Variants in AGMO observed in about 807,000 individuals in gnomAD.
AGMO encodes the protein alkylglycerol monooxygenase.
A neutral mutation model predicts 60.2 loss-of-function variants in AGMO; 75 were observed. The observed-to-expected ratio is 1.25, with a 90% CI of 1.03 to 1.51. The LOEUF (loss-of-function observed/expected upper bound fraction) is 1.51, where lower values mean the gene tolerates loss of function less well. Among genes scored for constraint, AGMO ranks in the 40% most tolerant of loss-of-function variants. The pLI, the probability that AGMO is intolerant of heterozygous loss-of-function variation, is 0.00. For missense variants in AGMO, 763 were observed against 525.5 expected, an observed-to-expected ratio of 1.45 and a Z score of -4.42; for synonymous variants, 261 against 177.1, an observed-to-expected ratio of 1.47 and a Z score of -3.76.
chr7:15,205,196 A>G (rs1482643210), intron 12 of AGMO, among the ~76,000 whole-genome samples: 4 of 152,214 alleles, frequency 2.6e-5, no homozygotes, highest in African/African-American at 7.2e-5. Flanking sequence ...ATATTTATCA[A>G]TAAGCAACCA....
chr7:15,158,066 A>C, the AGMO span, among the ~76,000 whole-genome samples: 3 of 152,184 alleles, frequency 2.0e-5, no homozygotes, highest in Non-Finnish European at 4.4e-5. Flanking sequence ...ATTATATTTT[A>C]TGACTGTATT....
downstream of AGMO, among the ~76,000 whole-genome samples, chr7:15,198,253 G>GTGTGAA (rs1781184027): frequency 1.6e-5 from 1 of 63,422 alleles, no homozygotes; most frequent in Non-Finnish European, 2.8e-5. Context: ...GAGAGAGAGA[G>GTGTGAA]AGACAGAGAC....
chr7:15,345,497 T>C (rs955476257), intron 12 of AGMO, among the ~76,000 whole-genome samples: 2 of 152,192 alleles, frequency 1.3e-5, no homozygotes, highest in Admixed American at 6.5e-5. Flanking sequence ...CTAAGTTCTT[T>C]TGGAGTGTGC....
intron 12 of AGMO, among the ~76,000 whole-genome samples, chr7:15,261,602 A>G (rs1248521051): frequency 6.6e-6 from 1 of 152,066 alleles, no homozygotes; most frequent in African/African-American, 2.4e-5. Flanking sequence ...AATCCTAGTG[A>G]CACTATCTAA....
At chr7:15,418,132 T>G (rs1004167976) in intron 5 of AGMO, among the ~76,000 whole-genome samples, 11 of 152,186 alleles carry the variant, frequency 7.2e-5, no homozygotes, top group Middle Eastern at 3.4e-3. Context: ...CAAAAATTAT[T>G]TTCATAATTT....
chr7:15,163,777 T>G, the AGMO span, among the ~76,000 whole-genome samples: 12 of 112,370 alleles, frequency 1.1e-4, no homozygotes, highest in African/African-American at 3.8e-4. Flanking sequence ...AGCCTACAGT[T>G]TTCTTTTTTT....
intron 12 of AGMO, among the ~76,000 whole-genome samples, chr7:15,310,413 T>A (rs1249951976): frequency 6.6e-6 from 1 of 152,170 alleles, no homozygotes; most frequent in Non-Finnish European, 1.5e-5. Context: ...TGGTTTCCAT[T>A]TGGAAAATTT....
intron 3 of AGMO, among the ~76,000 whole-genome samples, chr7:15,521,679 G>C (rs1028530315): frequency 3.0e-4 from 45 of 152,198 alleles, no homozygotes; most frequent in African/African-American, 1.1e-3. Context: ...AATAAACTAG[G>C]TATTGATACA....
intron 12 of AGMO, among the ~76,000 whole-genome samples, chr7:15,214,081 C>G (rs1781668920): frequency 6.6e-6 from 1 of 151,842 alleles, no homozygotes; most frequent in African/African-American, 2.4e-5. Context: ...GTTTATTTCT[C>G]TCTTCAATGA....
chr7:15,344,338 C>G (rs1484643966), intron 12 of AGMO, among the ~76,000 whole-genome samples: 1 of 152,170 alleles, frequency 6.6e-6, no homozygotes, highest in Non-Finnish European at 1.5e-5. Flanking sequence ...TATTTTCCAA[C>G]AGGACTAATT....
chr7:15,518,178 A>T (rs117674463), intron 3 of AGMO, among the ~76,000 whole-genome samples: 2 of 152,272 alleles, frequency 1.3e-5, no homozygotes, highest in East Asian at 3.9e-4. Context: ...GGCACTTACT[A>T]CATAGATAAA....
the AGMO span, among the ~76,000 whole-genome samples, chr7:15,154,023 A>C: frequency 1.3e-5 from 2 of 152,112 alleles, no homozygotes; most frequent in Non-Finnish European, 2.9e-5. Context: ...CAGAAGTCCT[A>C]GCCAGATCAA....
At chr7:15,484,849 G>A (rs1205475497) in intron 3 of AGMO, among the ~76,000 whole-genome samples, 4 of 152,152 alleles carry the variant, frequency 2.6e-5, no homozygotes, top group Admixed American at 6.6e-5. Flanking sequence ...ATACTTTAAA[G>A]AGTAATTGAA....
chr7:15,183,766 C>T, the AGMO span, among the ~76,000 whole-genome samples: 1 of 152,126 alleles, frequency 6.6e-6, no homozygotes, highest in African/African-American at 2.4e-5. Context: ...TAAGGTCAAA[C>T]TGCAATTAGA....
chr7:15,358,318 G>A (rs1782620079), intron 12 of AGMO: 1 of 431,166 alleles, frequency 2.3e-6, no homozygotes. Context: ...AATGGCTGAG[G>A]CAGCAAATTG....
intron 12 of AGMO, among the ~76,000 whole-genome samples, chr7:15,241,612 T>G (rs1373498888): frequency 6.6e-6 from 1 of 152,068 alleles, no homozygotes; most frequent in Non-Finnish European, 1.5e-5. Flanking sequence ...ACAACTGACA[T>G]GATGAGTCAA....
intron 3 of AGMO, among the ~76,000 whole-genome samples, chr7:15,509,229 C>A (rs1359636320): frequency 6.6e-6 from 1 of 152,080 alleles, no homozygotes; most frequent in Non-Finnish European, 1.5e-5. Flanking sequence ...ACCATACACC[C>A]AAACCAATAG....
At chr7:15,182,908 A>G in the AGMO span, among the ~76,000 whole-genome samples, 1 of 152,138 alleles carries the variant, frequency 6.6e-6, no homozygotes, top group Non-Finnish European at 1.5e-5. Context: ...TTATAAGGCC[A>G]TACAGGAGGA....
chr7:15,345,168 A>G (rs956015846), intron 12 of AGMO, among the ~76,000 whole-genome samples: 1 of 152,202 alleles, frequency 6.6e-6, no homozygotes, highest in Non-Finnish European at 1.5e-5. Flanking sequence ...CATCAGTAGT[A>G]TGGCCTGAGA....
Sources: allele counts gnomAD v4.1 joint callset (sites outside exome capture counted in the v4.1 genomes callset), GRCh38; gene constraint gnomAD v4.1.1; transcripts MANE v1.5; gene names NCBI Gene and HGNC (gene_info 2026-07-23, HGNC 2026-07-21).